The following ASB3 variants were observed in gnomAD, a reference collection of about 807,000 sequenced individuals.
ASB3 encodes the protein ankyrin repeat and SOCS box protein 3.
Under a neutral mutation model 54.5 loss-of-function variants are expected in ASB3, and 41 were observed. That is an observed-to-expected ratio of 0.75 (90% CI 0.59 to 0.98). The LOEUF is 0.98. Ranked by LOEUF, ASB3 falls within the 50% of genes least tolerant of loss-of-function variation. The pLI, the probability that ASB3 is intolerant of heterozygous loss-of-function variation, is 0.00. For synonymous variants in ASB3, 266 were observed against 221.2 expected, an observed-to-expected ratio of 1.20 and a Z score of -1.80; for missense variants, 733 against 620.0, an observed-to-expected ratio of 1.18 and a Z score of -1.94.
At position 53,779,708 on chromosome 2, in the gene ASB3, A is replaced by AT. The variant is rs1416816520; in HGVS notation, c.-14+7112dup. On this transcript the variant is annotated intron_variant, in intron 1 of 9. Coordinates refer to ENST00000263634, the MANE Select transcript of ASB3 (RefSeq NM_016115.5). Reference sequence around the variant, plus strand: ...TACCTCAGCCTCCCAAAATGATGGGATTACAGGTATGAGCCACTATGCCCA... The same window carrying AT: ...TACCTCAGCCTCCCAAAATGATGGGATTTACAGGTATGAGCCACTATGCCCA... Among the ~76,000 whole-genome samples the AT allele has an allele frequency of 3.3e-5, 5 of 152,192 alleles. No individual in the cohort carries two copies. The South Asian group carries it at 1.0e-3, about 32-fold the overall frequency.
At chr2:53,772,492 C>G (rs1391984614) in intron 1 of ASB3, among the ~76,000 whole-genome samples, 2 of 151,782 alleles carry the variant, frequency 1.3e-5, no homozygotes, top group Non-Finnish European at 2.9e-5. Flanking sequence ...TTTTTAAAAA[C>G]AAGTTTATTA....
intron 3 of ASB3, among the ~76,000 whole-genome samples, chr2:53,739,688 G>C (rs1329942737): frequency 6.6e-6 from 1 of 151,880 alleles, no homozygotes; most frequent in African/African-American, 2.4e-5. Context: ...GTTTTGTTTT[G>C]TTCTTAAGAT....
intron 8 of ASB3, among the ~76,000 whole-genome samples, chr2:53,698,304 T>G (rs779199347): frequency 2.0e-5 from 3 of 152,222 alleles, no homozygotes; most frequent in East Asian, 1.9e-4. Context: ...TCTAATTGTC[T>G]TGATGATATC....
intron 3 of ASB3, among the ~76,000 whole-genome samples, chr2:53,749,962 C>T (rs1310878476): frequency 6.6e-6 from 1 of 151,702 alleles, no homozygotes; most frequent in Non-Finnish European, 1.5e-5. Context: ...TTTAAGTCCA[C>T]AAGGAAAAAA....
In ASB3 at chr2:53,728,796, A is replaced by C. The variant is rs373368053; in HGVS notation, c.520T>G (p.Cys174Gly). ...LLLRKGANKECQDDFGITPLF... is the reference protein window; with the variant it reads ...LLLRKGANKEGQDDFGITPLF... Reference sequence around the variant, plus strand: ...GGTGTGATTCCAAAGTCATCCTGGCATTCCTTGTTTGCTCCTTTTCTAAGA... The same window carrying C: ...GGTGTGATTCCAAAGTCATCCTGGCCTTCCTTGTTTGCTCCTTTTCTAAGA... Residue 174 changes from cysteine to glycine, a missense_variant, in exon 5 of 10, where the codon TGC becomes GGC. Cys to Gly is a radical substitution (Grantham distance 159). Coordinates refer to ENST00000263634, the MANE Select transcript of ASB3 (RefSeq NM_016115.5). 14 of 1,612,542 alleles carry C rather than the reference A, an allele frequency of 8.7e-6. No individual in the cohort carries two copies. The South Asian group carries it at 8.8e-5, about 10-fold the overall frequency.
In ASB3 at chr2:53,714,532, G is replaced by A. The variant is rs201983295; in HGVS notation, c.832C>T (p.Leu278=). The change falls in exon 7 of 10, where the codon CTA becomes TTA. Residue 278 remains leucine, a synonymous_variant. Coordinates refer to ENST00000263634, the MANE Select transcript of ASB3 (RefSeq NM_016115.5). ...GAGTAAACAGGGCTTACTTTGTTTA[G>A]CCCAGTGTCACAGGCCCGGTTAGTA... The part of the protein sequence containing the change: ...PLTNRACDTG[L]NKVSPVYSAV... The A allele has an allele frequency of 2.1e-5, 34 of 1,614,058 alleles. No individual in the cohort carries two copies. Among genetic ancestry groups the A allele is most frequent in the Non-Finnish European group, 2.6e-5 (31 of 1,180,022 alleles).
chr2:53,769,572 C>T (rs1307000541), intron 1 of ASB3, among the ~76,000 whole-genome samples: 3 of 152,212 alleles, frequency 2.0e-5, no homozygotes, highest in Admixed American at 6.5e-5. Context: ...GCTGGCCAGG[C>T]GTGGTGGTTC....
At chr2:53,677,809 A>G (rs1388646456) in intron 9 of ASB3, among the ~76,000 whole-genome samples, 4 of 152,292 alleles carry the variant, frequency 2.6e-5, no homozygotes, top group African/African-American at 9.6e-5. Flanking sequence ...GAATGTGTAG[A>G]TTAGAGTGTC....
chr2:53,683,869 C>T (rs1041038171), intron 9 of ASB3, among the ~76,000 whole-genome samples: 1 of 151,778 alleles, frequency 6.6e-6, no homozygotes, highest in Non-Finnish European at 1.5e-5. Context: ...GCTAAATGTT[C>T]GTTAGTTTTG....
intron 8 of ASB3, among the ~76,000 whole-genome samples, chr2:53,697,777 C>T (rs1198132642): frequency 6.6e-6 from 1 of 152,226 alleles, no homozygotes; most frequent in Non-Finnish European, 1.5e-5. Context: ...CCTGACTCCA[C>T]TTCAGGGCTT....
chr2:53,732,387 G>C lies in ASB3; in HGVS notation c.356-2817C>G, dbSNP rs1296704259. Among the ~76,000 whole-genome samples, 3 of 151,948 alleles carry C rather than the reference G, an allele frequency of 2.0e-5. No individual in the cohort carries two copies. In the South Asian group the frequency reaches 6.2e-4, roughly 32 times the overall value. On this transcript the variant is annotated intron_variant, in intron 3 of 9. Transcript: ENST00000263634. ...TAATTTTGGGTGGAGGTCATAAAAG[G>C]AAAAAAATCTGTTTCATATCAAATT...
intron 3 of ASB3, among the ~76,000 whole-genome samples, chr2:53,745,550 T>C (rs572108150): frequency 6.6e-6 from 1 of 152,320 alleles, no homozygotes; most frequent in Non-Finnish European, 1.5e-5. Context: ...TTTAGCTTTA[T>C]GTTCAGTCAT....
chr2:53,685,299 G>T (rs1017122509), intron 9 of ASB3, among the ~76,000 whole-genome samples: 18 of 152,174 alleles, frequency 1.2e-4, no homozygotes, highest in Admixed American at 1.3e-4. Context: ...GATGGAATAA[G>T]AAGAATGGAT....
intron 9 of ASB3, among the ~76,000 whole-genome samples, chr2:53,693,319 G>C (rs1338177808): frequency 1.3e-5 from 2 of 151,998 alleles, no homozygotes; most frequent in East Asian, 3.9e-4. Flanking sequence ...ATTTTTTTAA[G>C]TGAGGTAAGT....
intron 3 of ASB3, among the ~76,000 whole-genome samples, chr2:53,738,690 C>T (rs1009154437): frequency 2.6e-5 from 4 of 152,178 alleles, no homozygotes; most frequent in African/African-American, 9.7e-5. Context: ...AGGCGATCAG[C>T]TGCAGGTCTT....
chr2:53,776,140 GA>G (rs1298809286), intron 1 of ASB3, among the ~76,000 whole-genome samples: 1 of 152,146 alleles, frequency 6.6e-6, no homozygotes, highest in Non-Finnish European at 1.5e-5. Flanking sequence ...AATTAGTACA[GA>G]AGTTTTTCAC....
chr2:53,724,695 A>G (rs1397229643), intron 5 of ASB3, among the ~76,000 whole-genome samples: 2 of 152,176 alleles, frequency 1.3e-5, no homozygotes, highest in Non-Finnish European at 2.9e-5. Flanking sequence ...GCTCAACATC[A>G]CCAATCACCA....
chr2:53,721,635 G>A (rs1021263249), intron 5 of ASB3, among the ~76,000 whole-genome samples: 3 of 151,860 alleles, frequency 2.0e-5, no homozygotes, highest in Non-Finnish European at 4.4e-5. Context: ...TAAAATTATG[G>A]CAGAAATCAA....
At chr2:53,681,249 T>C (rs1423849689) in intron 9 of ASB3, among the ~76,000 whole-genome samples, 1 of 152,218 alleles carries the variant, frequency 6.6e-6, no homozygotes, top group Non-Finnish European at 1.5e-5. Flanking sequence ...GTGGGACTGC[T>C]GGATTATATG....
Sources: allele counts gnomAD v4.1 joint callset (sites outside exome capture counted in the v4.1 genomes callset), GRCh38; gene constraint gnomAD v4.1.1; transcripts MANE v1.5; gene names NCBI Gene and HGNC (gene_info 2026-07-23, HGNC 2026-07-21).